SETD2: variants seen among roughly 807,000 people sequenced by gnomAD.
SETD2 encodes the protein histone-lysine N-methyltransferase SETD2.
In SETD2, 31 loss-of-function variants were observed where a neutral mutation model predicts 242.1. That is an observed-to-expected ratio of 0.13 (90% CI 0.10 to 0.17). The LOEUF (loss-of-function observed/expected upper bound fraction) is 0.17, where lower values mean the gene tolerates loss of function less well. Ranked by LOEUF, SETD2 falls within the 10% of genes least tolerant of loss-of-function variation. SETD2 has a pLI of 1.00. For missense variants in SETD2, 2,481 were observed against 3,046.3 expected, an observed-to-expected ratio of 0.81 and a Z score of 4.37; for synonymous variants, 1,006 against 1,066.5, an observed-to-expected ratio of 0.94 and a Z score of 1.11.
intron 1 of SETD2, among the ~76,000 whole-genome samples, chr3:47,157,187 T>C (rs150200783): frequency 1.0e-3 from 154 of 151,964 alleles, no homozygotes; most frequent in African/African-American, 3.5e-3. Context: ...CACCTGAGCC[T>C]GGGAAGTTGA....
intron 1 of SETD2, among the ~76,000 whole-genome samples, chr3:47,144,001 C>T (rs1451156780): frequency 1.3e-5 from 2 of 152,170 alleles, no homozygotes; most frequent in Admixed American, 6.5e-5. Context: ...TGAGCCACTG[C>T]GCCCGGCCAC....
At chr3:47,029,214 C>T (rs1466915707) in intron 18 of SETD2, among the ~76,000 whole-genome samples, 1 of 151,764 alleles carries the variant, frequency 6.6e-6, no homozygotes, top group Non-Finnish European at 1.5e-5. Flanking sequence ...ACATGTGCAC[C>T]AACATGCCTA....
chr3:47,034,041 G>A (rs1158241312), intron 18 of SETD2, among the ~76,000 whole-genome samples: 1 of 152,184 alleles, frequency 6.6e-6, no homozygotes, highest in Non-Finnish European at 1.5e-5. Context: ...AAAGTAGGCT[G>A]CCGTGCCTAG....
rs1406585106 is a variant in SETD2 at position 47,123,711 on chromosome 3, T to C, written c.925A>G (p.Lys309Glu). Residue 309 changes from lysine to glutamate, a missense_variant, in exon 3 of 21, where the codon AAG becomes GAG. By Grantham distance (56) the Lys-to-Glu change is moderately conservative. This residue lies in a region of SETD2 where 334 missense variants were observed against 374.5 expected (regional missense o/e 0.89). Transcript: ENST00000409792. ...ATGCCTTCAGATTGTGAGGATTTCTTCTTAGAACCTGTTTTTTTACAGCTC... is the reference window on the plus strand; with the variant it reads ...ATGCCTTCAGATTGTGAGGATTTCTCCTTAGAACCTGTTTTTTTACAGCTC... ...SLSCKKTGSK[K>E]KSSQSEGIFL... 10 of 1,551,468 alleles carry C rather than the reference T, an allele frequency of 6.4e-6. No individual in the cohort carries two copies. Among genetic ancestry groups the C allele is most frequent in the Non-Finnish European group, 8.7e-6 (10 of 1,146,910 alleles).
chr3:47,100,122 T>C (rs1349874114), intron 8 of SETD2, among the ~76,000 whole-genome samples: 1 of 151,974 alleles, frequency 6.6e-6, no homozygotes, highest in African/African-American at 2.4e-5. Context: ...TTTGTATTCT[T>C]AGTAGAGACG....
chr3:47,137,725 C>A (rs934830892), intron 1 of SETD2, among the ~76,000 whole-genome samples: 2 of 152,014 alleles, frequency 1.3e-5, no homozygotes, highest in South Asian at 2.1e-4. Flanking sequence ...ATCTTGCTGT[C>A]GCCCAGGCTG....
At chr3:47,114,096 A>C (rs2107720906) in intron 4 of SETD2, 92 bp from the exon 5 acceptor site, 1 of 1,285,746 alleles carries the variant, frequency 7.8e-7, no homozygotes, top group Admixed American at 2.2e-5. Flanking sequence ...CTACATATAT[A>C]CATACTTTTA....
chr3:47,030,853 A>C (rs2038732100), intron 18 of SETD2, among the ~76,000 whole-genome samples: 1 of 152,186 alleles, frequency 6.6e-6, no homozygotes, highest in Non-Finnish European at 1.5e-5. Context: ...GAAGCAACCA[A>C]GATGTCCTTC....
chr3:47,025,817 T>A (rs549374660), intron 18 of SETD2, among the ~76,000 whole-genome samples: 3 of 152,284 alleles, frequency 2.0e-5, no homozygotes, highest in African/African-American at 7.2e-5. Context: ...TCTTGCTTTA[T>A]AAACTTAAAC....
At chr3:47,133,547 A>G (rs1169577650) in intron 1 of SETD2, among the ~76,000 whole-genome samples, 1 of 152,198 alleles carries the variant, frequency 6.6e-6, no homozygotes, top group Non-Finnish European at 1.5e-5. Flanking sequence ...AGCCTGGCCA[A>G]CATGGTGAAA....
chr3:47,024,958 C>T (rs2038405893), intron 18 of SETD2, among the ~76,000 whole-genome samples: 1 of 152,170 alleles, frequency 6.6e-6, no homozygotes, highest in Non-Finnish European at 1.5e-5. Flanking sequence ...AGAAAAGGAA[C>T]AGTCTCACAA....
chr3:47,027,786 T>G (rs200181534), intron 18 of SETD2, among the ~76,000 whole-genome samples: 4,955 of 66,782 alleles, frequency 0.074, 235 homozygotes, highest in East Asian at 0.24. Flanking sequence ...CTGCTGGTTT[T>G]TTTTTTTGTT....
chr3:47,080,022 C>T (rs2041256406), intron 12 of SETD2, among the ~76,000 whole-genome samples: 1 of 152,102 alleles, frequency 6.6e-6, no homozygotes, highest in Non-Finnish European at 1.5e-5. Context: ...CACAGAAATC[C>T]AGGAAACATA....
intron 1 of SETD2, among the ~76,000 whole-genome samples, chr3:47,152,460 C>T (rs905363548): frequency 6.6e-6 from 1 of 152,186 alleles, no homozygotes; most frequent in African/African-American, 2.4e-5. Context: ...AGAGTTTTTA[C>T]AGTCATTTAA....
chr3:47,036,743 A>G (rs959146142), intron 18 of SETD2, among the ~76,000 whole-genome samples: 4 of 151,526 alleles, frequency 2.6e-5, no homozygotes, highest in African/African-American at 9.7e-5. Flanking sequence ...TCTCTACTAC[A>G]AATACAAAAA....
At position 47,120,637 on chromosome 3, in the gene SETD2, ATC is replaced by A; in HGVS notation, c.3997_3998del (p.Asp1333Ter). ...TQGQVPDSLT[D>X]DREEEENWDQ... ...CCCAATTCTCCTCTTCTTCACGATC[ATC>A]TGTTAGGGAATCTGGTACTTGTCCT... On this transcript the variant is annotated frameshift_variant, in exon 3 of 21. Coordinates refer to ENST00000409792, the MANE Select transcript of SETD2 (RefSeq NM_014159.7). LOFTEE classifies it high-confidence loss of function. 6.2e-7 allele frequency: 1 copy of A among 1,614,050 alleles called. No individual in the cohort carries two copies.
chr3:47,161,362 G>A (rs549318290), intron 1 of SETD2, among the ~76,000 whole-genome samples: 1 of 152,206 alleles, frequency 6.6e-6, no homozygotes, highest in African/African-American at 2.4e-5. Context: ...TTAAAATAGT[G>A]TTCAGATTCA....
intron 1 of SETD2, among the ~76,000 whole-genome samples, chr3:47,132,238 T>C (rs2043495334): frequency 6.6e-6 from 1 of 151,324 alleles, no homozygotes. Flanking sequence ...ACTCAAGTGA[T>C]TTTTCTGCTT....
intron 12 of SETD2, among the ~76,000 whole-genome samples, chr3:47,079,129 G>A (rs2107628569): frequency 6.6e-6 from 1 of 152,302 alleles, no homozygotes; most frequent in South Asian, 2.1e-4. Context: ...TGTGTAACAT[G>A]TAGAATATGT....
Sources: gnomAD v4.1 joint callset for allele counts (sites outside exome capture counted in the v4.1 genomes callset) on GRCh38, gnomAD v4.1.1 for gene constraint, gnomAD v4.1.1 regional missense constraint, MANE v1.5 for transcripts, NCBI Gene and HGNC (gene_info 2026-07-23, HGNC 2026-07-21) for gene names.